Variants in IL10RB observed in about 807,000 individuals in gnomAD.
IL10RB encodes the protein interleukin-10 receptor subunit beta.
Under a neutral mutation model 38.7 loss-of-function variants are expected in IL10RB, and 30 were observed. The observed-to-expected ratio is 0.78, with a 90% CI of 0.58 to 1.05. IL10RB has a LOEUF of 1.05. IL10RB is among the 50% of genes least tolerant of loss of function. The probability of loss-of-function intolerance (pLI) is 0.00; values close to 1 mark genes in which losing one functional copy is unlikely to be tolerated. For synonymous variants in IL10RB, 142 were observed against 145.9 expected, an observed-to-expected ratio of 0.97 and a Z score of 0.19; for missense variants, 328 against 397.1, an observed-to-expected ratio of 0.83 and a Z score of 1.48.
chr21:33,268,914 CA>C (rs895638419), intron 2 of IL10RB, among the ~76,000 whole-genome samples: 33 of 152,092 alleles, frequency 2.2e-4, no homozygotes, highest in African/African-American at 8.0e-4. Context: ...TGGAAGTCAG[CA>C]ATGTTGAGTG....
intron 1 of IL10RB, among the ~76,000 whole-genome samples, chr21:33,304,788 C>CCAAG (rs2082994932): frequency 6.6e-6 from 1 of 152,198 alleles, no homozygotes. Flanking sequence ...ATCAGTTAAA[C>CCAAG]CAAGCCAGTT....
At chr21:33,299,766 G>A (rs1361692038), downstream of IL10RB, among the ~76,000 whole-genome samples, 2 of 152,222 alleles carry the variant, frequency 1.3e-5, no homozygotes, top group Non-Finnish European at 2.9e-5. Flanking sequence ...AAGCTCCTAG[G>A]TGATTCCAGT....
chr21:33,266,473 G>A lies in IL10RB; in HGVS notation c.8G>A (p.Trp3Ter). 1.3e-6 allele frequency: 2 copies of A among 1,542,190 alleles called. No homozygotes were observed. The highest frequency in any genetic ancestry group is 1.7e-6 in the Non-Finnish European group (2 of 1,146,994). ...AACCCCCAGCGTCCGTCCATGGCGT[G>A]GAGCCTTGGGAGCTGGCTGGGTGGC... MA[W>*]SLGSWLGGCL... Residue 3 changes from tryptophan (W) to a stop codon, truncating the protein, a stop_gained, in exon 1 of 7, where the codon TGG (tryptophan) becomes TAG (stop). Transcript: ENST00000290200. LOFTEE classifies it high-confidence loss of function.
At chr21:33,285,767 A>G (rs571229286) in intron 5 of IL10RB, among the ~76,000 whole-genome samples, 3 of 152,228 alleles carry the variant, frequency 2.0e-5, no homozygotes, top group African/African-American at 7.2e-5. Context: ...TAATGGAAGG[A>G]TGGATGGATG....
intron 2 of IL10RB, among the ~76,000 whole-genome samples, chr21:33,270,718 A>G (rs1198126720): frequency 6.7e-6 from 1 of 148,238 alleles, no homozygotes; most frequent in East Asian, 2.0e-4. Context: ...TCTGTCACCA[A>G]GGCTGGAGTG....
intron 2 of IL10RB, among the ~76,000 whole-genome samples, chr21:33,272,631 G>C (rs1199294346): frequency 6.6e-6 from 1 of 152,078 alleles, no homozygotes; most frequent in African/African-American, 2.4e-5. Flanking sequence ...ATTTTTTGTA[G>C]AGACAAGGAC....
chr21:33,296,428 T>C lies in IL10RB; in HGVS notation c.*71T>C. On this transcript the variant is annotated 3_prime_UTR_variant, in exon 7 of 7. Transcript: ENST00000290200. ...ATCTCACATCTGCCTCAGTGAGGGATCAGGGCAGCAAACAAGGGCCAAGAC... is the reference window on the plus strand; with the variant it reads ...ATCTCACATCTGCCTCAGTGAGGGACCAGGGCAGCAAACAAGGGCCAAGAC... 1.3e-6 allele frequency: 2 copies of C among 1,495,818 alleles called. No homozygotes were observed. The highest frequency in any genetic ancestry group is 1.8e-6 in the Non-Finnish European group (2 of 1,086,996). The allele number at this position is 1,495,818 out of a possible 1,614,324, so 92.7% of individuals were successfully genotyped here. A position where few individuals can be genotyped will look rare whatever the true frequency, so the allele number is the denominator to read the frequency against.
chr21:33,280,615 G>T (rs1989262608), intron 4 of IL10RB, among the ~76,000 whole-genome samples: 1 of 152,060 alleles, frequency 6.6e-6, no homozygotes. Context: ...GACATGTTAA[G>T]GTTATTTTTA....
downstream of IL10RB, among the ~76,000 whole-genome samples, chr21:33,300,430 A>G (rs2123611248): frequency 8.1e-6 from 1 of 123,634 alleles, no homozygotes; most frequent in East Asian, 2.4e-4. Flanking sequence ...GACAAGAGGG[A>G]AACTCCATCT....
At chr21:33,305,300 G>A (rs988592867) in intron 1 of IL10RB, among the ~76,000 whole-genome samples, 2 of 152,008 alleles carry the variant, frequency 1.3e-5, no homozygotes, top group South Asian at 4.2e-4. Context: ...TATAGAGACA[G>A]GGTTTCGCCA....
intron 1 of IL10RB, among the ~76,000 whole-genome samples, chr21:33,267,498 GTTTGTTTT>G (rs1421274280): frequency 4.7e-4 from 59 of 126,332 alleles, no homozygotes; most frequent in South Asian, 1.3e-3. Context: ...TTTTTTGTTT[GTTTGTTTT>G]TTTGTTTTTT....
At position 33,288,114 on chromosome 21, in the gene IL10RB, C is replaced by T. The variant is rs1237354106; in HGVS notation, c.657C>T (p.Pro219=). 1.2e-6 allele frequency: 2 copies of T among 1,614,028 alleles called. No individual in the cohort carries two copies. The highest frequency in any genetic ancestry group is 1.7e-5 in the Admixed American group (1 of 59,998). Residue 219 remains proline (P), a synonymous_variant, in exon 6 of 7, where the codon CCC becomes CCT. Coordinates refer to ENST00000290200, the MANE Select transcript of IL10RB (RefSeq NM_000628.5). ...CATTACCCCTGGCAGAAACGGTCCC[C>T]TCCTGGATGGTGGCCGTCATCCTCA... is the stretch of plus-strand genomic sequence containing the variant. ...CEQTTHDETV[P]SWMVAVILMA...
At chr21:33,268,121 C>T (rs181367363) in intron 1 of IL10RB, 54 of 861,594 alleles carry the variant, frequency 6.3e-5, no homozygotes, top group Non-Finnish European at 8.8e-5. Flanking sequence ...TCCATGTGCC[C>T]ACCCTACCCC....
At chr21:33,297,600 T>C (rs1243918449), downstream of IL10RB, among the ~76,000 whole-genome samples, 1 of 152,084 alleles carries the variant, frequency 6.6e-6, no homozygotes. Context: ...GGAGGATCAC[T>C]TGGGCCCAGG....
At chr21:33,268,593 G>A in intron 2 of IL10RB, 76 bp downstream of exon 2, 1 of 1,008,918 alleles carries the variant, frequency 9.9e-7, no homozygotes, top group Non-Finnish European at 1.6e-6. Context: ...TGGGCCACAG[G>A]AGGAAGGGAG....
At chr21:33,295,925 T>G (rs1321791243) in intron 6 of IL10RB, among the ~76,000 whole-genome samples, 3 of 151,834 alleles carry the variant, frequency 2.0e-5, no homozygotes, top group African/African-American at 4.8e-5. Context: ...ATGCCTGTAA[T>G]CTCAGCTACT....
chr21:33,269,035 C>G (rs45560243), intron 2 of IL10RB, among the ~76,000 whole-genome samples: 10 of 152,226 alleles, frequency 6.6e-5, no homozygotes, highest in South Asian at 6.2e-4. Flanking sequence ...GTGCCATGCG[C>G]GATGCACATA....
intron 1 of IL10RB, chr21:33,267,987 C>T: frequency 3.0e-6 from 1 of 332,346 alleles, no homozygotes; most frequent in Non-Finnish European, 5.9e-6. Context: ...CGTGAGTTCC[C>T]CAGCTGAGCT....
chr21:33,277,300 A>G (rs1441863495), intron 3 of IL10RB, among the ~76,000 whole-genome samples: 5 of 150,196 alleles, frequency 3.3e-5, no homozygotes, highest in African/African-American at 4.9e-5. Flanking sequence ...ACGCCACTGC[A>G]CTCCAGCCTG....
Sources: allele counts gnomAD v4.1 joint callset (sites outside exome capture counted in the v4.1 genomes callset), GRCh38; gene constraint gnomAD v4.1.1; transcripts MANE v1.5; gene names NCBI Gene and HGNC (gene_info 2026-07-23, HGNC 2026-07-21).